Variants in NUP214 observed in about 807,000 individuals in gnomAD.
The protein encoded by NUP214 is nucleoporin 214, also known as nuclear pore complex protein Nup214.
NUP214 carries 79 observed loss-of-function variants against 196.2 expected under a neutral mutation model. The observed-to-expected ratio is 0.40, with a 90% CI of 0.34 to 0.49. The LOEUF (loss-of-function observed/expected upper bound fraction) is 0.49. NUP214 is among the 20% of genes least tolerant of loss of function. The probability of loss-of-function intolerance (pLI) is 0.58; values close to 1 mark genes in which losing one functional copy is unlikely to be tolerated. For synonymous variants in NUP214, 1,020 were observed against 990.5 expected, an observed-to-expected ratio of 1.03 and a Z score of -0.56; for missense variants, 2,468 against 2,539.0, an observed-to-expected ratio of 0.97 and a Z score of 0.60.
intron 32 of NUP214, among the ~76,000 whole-genome samples, chr9:131,223,727 A>ATTTATTTATTTATTTATTTATTTTTTT: frequency 1.9e-4 from 3 of 15,652 alleles, no homozygotes; most frequent in East Asian, 4.9e-3. Flanking sequence ...TTATTTATTT[A>ATTTATTTATTTATTTATTTATTTTTTT]TTTTTTTTTT....
In NUP214 at chr9:131,233,848, C is replaced by T. The variant is rs1464075174; in HGVS notation, c.*361C>T. ...GTCACCAGCGTCGGGTGTTGATAAA[C>T]AGCATCGAATGTGCCGTGGTCTCAC... On this transcript the variant is annotated 3_prime_UTR_variant, in exon 36 of 36. Transcript: ENST00000359428. 1 of 406,016 alleles carries T rather than the reference C, an allele frequency of 2.5e-6. No individual in the cohort carries two copies. The highest frequency in any genetic ancestry group is 4.6e-6 in the Non-Finnish European group (1 of 215,214). The allele number at this position is 406,016 out of a possible 1,614,324, so 25.2% of individuals were successfully genotyped here.
At chr9:131,200,899 G>A (rs1035174160) in intron 29 of NUP214, among the ~76,000 whole-genome samples, 4 of 151,718 alleles carry the variant, frequency 2.6e-5, no homozygotes, top group African/African-American at 4.9e-5. Flanking sequence ...AGAAGAAACC[G>A]AGGAGTAGAA....
At chr9:131,201,602 C>A in intron 29 of NUP214, 45 bp from the exon 30 acceptor site, 2 of 1,406,608 alleles carry the variant, frequency 1.4e-6, no homozygotes, top group African/African-American at 1.4e-5. Flanking sequence ...TTGTAAAAGA[C>A]TCATCCAATC....
At chr9:131,158,861 C>G (rs1202950794) in intron 17 of NUP214, 1 of 152,662 alleles carries the variant, frequency 6.6e-6, no homozygotes, top group African/African-American at 2.4e-5. Context: ...ATTCCCCTGC[C>G]TCAGCCTCCT....
intron 34 of NUP214, among the ~76,000 whole-genome samples, chr9:131,231,743 G>A (rs577635112): frequency 1.3e-5 from 2 of 151,820 alleles, no homozygotes; most frequent in South Asian, 2.1e-4. Context: ...GCAGTAAACT[G>A]ACAAGGCACA....
intron 12 of NUP214, among the ~76,000 whole-genome samples, chr9:131,145,217 A>G (rs1051543473): frequency 2.6e-5 from 4 of 151,956 alleles, no homozygotes; most frequent in African/African-American, 9.7e-5. Context: ...AGTCCCTATG[A>G]AGCCCCGTGG....
intron 32 of NUP214, among the ~76,000 whole-genome samples, chr9:131,223,565 A>G (rs893619311): frequency 4.6e-5 from 7 of 151,830 alleles, no homozygotes; most frequent in Non-Finnish European, 1.0e-4. Flanking sequence ...ACATAAGGAA[A>G]TGATAACTGA....
chr9:131,177,365 G>A (rs763288978), intron 23 of NUP214, among the ~76,000 whole-genome samples: 18 of 152,162 alleles, frequency 1.2e-4, no homozygotes, highest in Non-Finnish European at 2.2e-4. Flanking sequence ...GAACAGGCCT[G>A]AAATCAAGTT....
At chr9:131,223,703 T>TTTTTAA (rs1367913457) in intron 32 of NUP214, among the ~76,000 whole-genome samples, 7 of 119,810 alleles carry the variant, frequency 5.8e-5, no homozygotes, top group African/African-American at 1.5e-4. Context: ...AAATCACTTT[T>TTTTTAA]TTTTTATTTT....
chr9:131,217,335 G>A (rs1452551993), intron 31 of NUP214, among the ~76,000 whole-genome samples: 1 of 152,168 alleles, frequency 6.6e-6, no homozygotes, highest in Non-Finnish European at 1.5e-5. Context: ...CTGCCAGGAG[G>A]GATTTAGAAT....
intron 30 of NUP214, among the ~76,000 whole-genome samples, chr9:131,215,002 G>A (rs984003228): frequency 4.6e-5 from 7 of 152,188 alleles, no homozygotes; most frequent in African/African-American, 1.7e-4. Flanking sequence ...TCAGAGAACT[G>A]TGAACATGGA....
At chr9:131,177,242 T>A (rs534052909) in intron 23 of NUP214, among the ~76,000 whole-genome samples, 23 of 152,294 alleles carry the variant, frequency 1.5e-4, no homozygotes, top group African/African-American at 5.5e-4. Flanking sequence ...CTAACATATA[T>A]ATTGAAGAAC....
At chr9:131,200,053 G>A (rs929029197) in intron 29 of NUP214, among the ~76,000 whole-genome samples, 5 of 152,202 alleles carry the variant, frequency 3.3e-5, no homozygotes, top group Non-Finnish European at 5.9e-5. Context: ...ATGAGTCTTA[G>A]AGGAGAACGT....
At chr9:131,213,796 T>C (rs1407905736) in intron 30 of NUP214, among the ~76,000 whole-genome samples, 1 of 11,322 alleles carries the variant, frequency 8.8e-5, no homozygotes, top group Admixed American at 1.9e-3. Flanking sequence ...GTTAAGAAAT[T>C]TAAAGGGGGA....
At chr9:131,157,455 T>G (rs1042326645) in intron 17 of NUP214, among the ~76,000 whole-genome samples, 3 of 140,486 alleles carry the variant, frequency 2.1e-5, no homozygotes, top group African/African-American at 7.9e-5. Flanking sequence ...CCACTGTGTC[T>G]GGCGTTTTTT....
At position 131,174,172 on chromosome 9, in the gene NUP214, A is replaced by G; in HGVS notation, c.3011A>G (p.Lys1004Arg). 6.2e-7 allele frequency: 1 copy of G among 1,613,878 alleles called. No individual in the cohort carries two copies. The highest frequency in any genetic ancestry group is 8.5e-7 in the Non-Finnish European group (1 of 1,179,968). The change falls in exon 22 of 36, where the codon AAA (lysine) becomes AGA (arginine). Residue 1004 changes from lysine to arginine, a missense_variant. Lys to Arg is a conservative substitution (Grantham distance 26, BLOSUM62 2). This residue lies in a region of NUP214 where 1,801 missense variants were observed against 1,779.4 expected (regional missense o/e 1.01). Coordinates refer to ENST00000359428, the MANE Select transcript of NUP214 (RefSeq NM_005085.4). ...AGTGAAGATGCACGGACGTCCTGTAAAGATGACGAGGCAGTGGTTCAGGCC... is the reference window on the plus strand; with the variant it reads ...AGTGAAGATGCACGGACGTCCTGTAGAGATGACGAGGCAGTGGTTCAGGCC... The part of the protein sequence containing the change: ...LESEDARTSC[K>R]DDEAVVQAPR...
At chr9:131,135,556 A>G (rs1345841954) in intron 8 of NUP214, among the ~76,000 whole-genome samples, 2 of 152,256 alleles carry the variant, frequency 1.3e-5, no homozygotes, top group African/African-American at 4.8e-5. Flanking sequence ...GAAAATATTG[A>G]TATTCAAGGA....
intron 35 of NUP214, among the ~76,000 whole-genome samples, chr9:131,233,226 C>T (rs1834926194): frequency 6.6e-6 from 1 of 151,972 alleles, no homozygotes; most frequent in African/African-American, 2.4e-5. Flanking sequence ...GTAATCCCAG[C>T]CACTGAGGCT....
At chr9:131,231,912 C>CAAAA (rs900440054) in intron 34 of NUP214, among the ~76,000 whole-genome samples, 1 of 43,942 alleles carries the variant, frequency 2.3e-5, no homozygotes, top group Non-Finnish European at 4.8e-5. Flanking sequence ...ACAACAACAG[C>CAAAA]AAAAAAAAAA....
Sources: gnomAD v4.1 joint callset for allele counts (sites outside exome capture counted in the v4.1 genomes callset) on GRCh38, gnomAD v4.1.1 for gene constraint, gnomAD v4.1.1 regional missense constraint, MANE v1.5 for transcripts, NCBI Gene and HGNC (gene_info 2026-07-23, HGNC 2026-07-21) for gene names.